Variants in APC2 observed in about 807,000 individuals in gnomAD.
The protein encoded by APC2 is adenomatous polyposis coli protein 2.
In APC2, 41 loss-of-function variants were observed where a neutral mutation model predicts 72.5. The observed-to-expected ratio is 0.57, with a 90% CI of 0.44 to 0.73. APC2 has a LOEUF of 0.73. Among genes scored for constraint, APC2 ranks in the 30% least tolerant of loss-of-function variants. The probability of loss-of-function intolerance (pLI) is 0.00; values close to 1 mark genes in which losing one functional copy is unlikely to be tolerated. For synonymous variants in APC2, 1,898 were observed against 1,612.0 expected, an observed-to-expected ratio of 1.18 and a Z score of -4.25; for missense variants, 3,729 against 3,403.4, an observed-to-expected ratio of 1.10 and a Z score of -2.38.
Position 1,468,976 on chromosome 19 carries a change from CG to C in APC2, c.5677del (p.Val1893SerfsTer103). 1 of 1,560,688 alleles carries C rather than the reference CG, an allele frequency of 6.4e-7. No individual in the cohort carries two copies. The highest frequency in any genetic ancestry group is 2.4e-5 in the East Asian group (1 of 41,464). ...CAGCCCCTGCCCAGAAAGCGCCCCC[CG>C]GTCACCCAGGCTGCTGGGGCCCTGC... ...ASQPLPRKRP[P>X]VTQAAGALPG... is the part of the protein sequence containing the mutation. On this transcript the variant is annotated frameshift_variant, in exon 15 of 15. Transcript: ENST00000590469. LOFTEE classifies it low-confidence loss of function (END_TRUNC).
In APC2 at chr19:1,465,726, C is replaced by T; in HGVS notation, c.2425C>T (p.Pro809Ser). Residue 809 changes from proline (P) to serine (S), a missense_variant, in exon 15 of 15, where the codon CCC (proline) becomes TCC (serine). By Grantham distance (74) the Pro-to-Ser change is moderately conservative. Transcript: ENST00000590469. ...CGCGCTGTCCCTCTTCCTGGGCAGC[C>T]CCTTCCTGCAGGGGCAGGCGCTGGC... Reference protein sequence around the residue: ...PAALSLFLGSPFLQGQALART... With the variant: ...PAALSLFLGSSFLQGQALART... 1 of 1,556,960 alleles carries T rather than the reference C, an allele frequency of 6.4e-7. No homozygotes were observed. The highest frequency in any genetic ancestry group is 1.4e-5 in the African/African-American group (1 of 73,372).
rs2084074091 is a variant in APC2, at chr19:1,468,744, C to G, written c.5443C>G (p.Pro1815Ala). 2 of 1,500,986 alleles carry G rather than the reference C, an allele frequency of 1.3e-6. No homozygotes were observed. Among genetic ancestry groups the G allele is most frequent in the East Asian group, 2.5e-5 (1 of 40,270 alleles). 93.0% of individuals were successfully genotyped at this position (1,500,986 alleles called of 1,614,324 possible). A position where few individuals can be genotyped will look rare whatever the true frequency, so the allele number is the denominator to read the frequency against. Residue 1815 changes from proline to alanine, a missense_variant, in exon 15 of 15, where the codon CCG (proline) becomes GCG (alanine). Pro to Ala is a conservative substitution (Grantham distance 27). Transcript: ENST00000590469. Reference sequence around the variant, plus strand: ...AGGGACCCCCGGCCCCCGCGCCACACCGCGGAAGGTGGCGCCCCCTTGCCT... The same window carrying G: ...AGGGACCCCCGGCCCCCGCGCCACAGCGCGGAAGGTGGCGCCCCCTTGCCT... ...PKGTPGPRAT[P>A]RKVAPPCLAQ...
chr19:1,470,142 G>A lies in APC2; in HGVS notation c.6841G>A (p.Val2281Met). Residue 2281 changes from valine (V) to methionine (M), a missense_variant, in exon 15 of 15, where the codon GTG (valine) becomes ATG (methionine). Transcript: ENST00000590469. ...PPFNYVPSPM[V>M]VAATTDSAAE... is the part of the protein sequence containing the mutation. ...CTTCAACTATGTGCCCAGCCCCATG[G>A]TGGTCGCAGCCACCACCGACTCGGC... The A allele has an allele frequency of 2.5e-6, 4 of 1,606,236 alleles. No homozygotes were observed. Among genetic ancestry groups the A allele is most frequent in the Non-Finnish European group, 3.4e-6 (4 of 1,177,966 alleles).
At chr19:1,447,442 T>G (rs1308090914), upstream of APC2, among the ~76,000 whole-genome samples, 1 of 152,046 alleles carries the variant, frequency 6.6e-6, no homozygotes, top group Non-Finnish European at 1.5e-5. Context: ...GAACTTCCCC[T>G]TTAGCCCAGC....
At chr19:1,455,107 G>A (rs1368037629) in intron 4 of APC2, 42 bp from the exon 5 acceptor site, 6 of 1,320,424 alleles carry the variant, frequency 4.5e-6, no homozygotes, top group South Asian at 2.7e-5. Flanking sequence ...AAACACACAC[G>A]GCGCCGCCCT....
rs1245526503 is a variant in APC2, at chr19:1,467,298, C to T, written c.3997C>T (p.Arg1333Cys). ...EGPAPTGSRP[R>C]GAADQELELL... ...GCCGGCGCCCACGGGTTCTCGCCCTCGCGGCGCCGCGGACCAGGAGCTGGA... is the reference window on the plus strand; with the variant it reads ...GCCGGCGCCCACGGGTTCTCGCCCTTGCGGCGCCGCGGACCAGGAGCTGGA... The change falls in exon 15 of 15, where the codon CGC becomes TGC. Residue 1333 changes from arginine to cysteine, a missense_variant. By Grantham distance (180) the Arg-to-Cys change is radical (BLOSUM62 -3). Transcript: ENST00000590469. 2 of 1,324,916 alleles carry T rather than the reference C, an allele frequency of 1.5e-6. No homozygotes were observed. Among genetic ancestry groups the T allele is most frequent in the Admixed American group, 4.0e-5 (1 of 24,938 alleles). 82.1% of individuals were successfully genotyped at this position (1,324,916 alleles called of 1,614,324 possible).
chr19:1,460,993 G>T lies in APC2; in HGVS notation c.1522-44G>T, dbSNP rs527367921. On this transcript the variant is annotated intron_variant, in intron 12 of 14. Transcript: ENST00000590469. ...TCACATTTGCTGGGGGGTTTGGGGG[G>T]CCTGGACCCTAGTCCCACCACACTT... 7.5e-6 allele frequency: 12 copies of T among 1,607,754 alleles called. No individual in the cohort carries two copies. The African/African-American group carries it at 1.5e-4, about 20-fold the overall frequency.
rs781316433 is a variant in APC2, at chr19:1,466,966, G to A, written c.3665G>A (p.Gly1222Asp). The A allele has an allele frequency of 1.9e-6, 3 of 1,605,796 alleles. No homozygotes were observed. Among genetic ancestry groups the A allele is most frequent in the African/African-American group, 1.3e-5 (1 of 74,826 alleles). The change falls in exon 15 of 15, where the codon GGT becomes GAT. Residue 1222 changes from glycine (G) to aspartate (D), a missense_variant. Transcript: ENST00000590469. ...CCACCGCTGGCGCCCGCGCCACAGGGTCCCCCCGAGGCCACCCAGTTCAGC... is the reference window on the plus strand; with the variant it reads ...CCACCGCTGGCGCCCGCGCCACAGGATCCCCCCGAGGCCACCCAGTTCAGC... ...KTPPLAPAPQ[G>D]PPEATQFSLQ...
intron 4 of APC2, among the ~76,000 whole-genome samples, chr19:1,454,125 T>A (rs904520909): frequency 1.3e-5 from 2 of 152,170 alleles, no homozygotes; most frequent in African/African-American, 4.8e-5. Context: ...TGTGCTCTGC[T>A]GTGGGACCTC....
At chr19:1,460,913 C>A in intron 12 of APC2, 56 bp downstream of exon 12, 1 of 1,603,066 alleles carries the variant, frequency 6.2e-7, no homozygotes, top group Non-Finnish European at 8.5e-7. Context: ...GGCAGAGGCC[C>A]CTCCCCAGCG....
Position 1,453,225 on chromosome 19 carries a change from G to A in APC2, c.142-22G>A, listed in dbSNP as rs374526792. 4.0e-4 allele frequency: 619 copies of A among 1,558,206 alleles called. 5 individuals carry two copies. The highest frequency in any genetic ancestry group is 1.1e-3 in the East Asian group (47 of 41,458). ...CCAGTGCAGTGGCTGATGGCTTCCC[G>A]CCCTCTTTCCCGCCCCTGCAGGAGG... On this transcript the variant is annotated intron_variant, in intron 2 of 14. Coordinates refer to ENST00000590469, the MANE Select transcript of APC2 (RefSeq NM_005883.3).
chr19:1,466,112 C>A lies in APC2; in HGVS notation c.2811C>A (p.Cys937Ter). The A allele has an allele frequency of 6.4e-7, 1 of 1,562,920 alleles. No homozygotes were observed. ...GCGGCAGTGCCAGCGACGGGTACTG[C>A]CCACGCGAACATATGCTGCCCTGCC... ...LNSGSASDGYCPREHMLPCPL... is the reference protein window; with the variant it reads ...LNSGSASDGY Residue 937 changes from cysteine to a stop codon, truncating the protein, a stop_gained, in exon 15 of 15, where the codon TGC (cysteine) becomes TGA (stop). Transcript: ENST00000590469. LOFTEE classifies it low-confidence loss of function (END_TRUNC).
Position 1,452,838 on chromosome 19 carries a change from T to A in APC2, c.-18-146T>A. On this transcript the variant is annotated intron_variant, in intron 1 of 14. Transcript: ENST00000590469. This position sits in a 1 kb window ranked among gnomAD's most constrained non-coding sequence, Gnocchi z 5.1. ...CCACCACCACGTGGGCCTGTACTTGTCCACACCAGTGACTCCTGCCTGAGA... is the reference window on the plus strand; with the variant it reads ...CCACCACCACGTGGGCCTGTACTTGACCACACCAGTGACTCCTGCCTGAGA... 2 of 1,018,260 alleles carry A rather than the reference T, an allele frequency of 2.0e-6. No individual in the cohort carries two copies. The highest frequency in any genetic ancestry group is 2.8e-6 in the Non-Finnish European group (2 of 715,786). The allele number at this position is 1,018,260 out of a possible 1,614,324, so 63.1% of individuals were successfully genotyped here.
At chr19:1,448,998 A>G (rs2083713451), upstream of APC2, among the ~76,000 whole-genome samples, 1 of 152,248 alleles carries the variant, frequency 6.6e-6, no homozygotes, top group African/African-American at 2.4e-5. Flanking sequence ...AGCCCCTGGC[A>G]GTGCTGGCCC....
chr19:1,467,111 G>C lies in APC2; in HGVS notation c.3810G>C (p.Glu1270Asp). The C allele has an allele frequency of 1.2e-6, 2 of 1,600,540 alleles. No homozygotes were observed. The highest frequency in any genetic ancestry group is 1.7e-6 in the Non-Finnish European group (2 of 1,173,052). Residue 1270 changes from glutamate to aspartate, a missense_variant, in exon 15 of 15, where the codon GAG becomes GAC. By Grantham distance (45) the Glu-to-Asp change is conservative. Transcript: ENST00000590469. ...SVRFTVEKPD[E>D]NFSCASSLSA... The stretch of plus-strand genomic sequence containing the variant: ...GCTTTACCGTGGAGAAGCCAGACGA[G>C]AACTTCTCGTGCGCCTCCAGCCTCA...
intron 4 of APC2, among the ~76,000 whole-genome samples, 156 bp from the exon 5 acceptor site, chr19:1,454,993 C>A (rs867193944): frequency 1.4e-5 from 2 of 144,200 alleles, no homozygotes; most frequent in African/African-American, 2.5e-5. Context: ...CCCACCCCCC[C>A]CCCCTTACCC....
chr19:1,469,649 C>A lies in APC2; in HGVS notation c.6348C>A (p.Pro2116=). ...SVARRPDGAV[P]AAPASADAAR... ...CCCGCAGGCCCGACGGCGCCGTCCC[C>A]GCGGCCCCTGCCTCAGCCGACGCCG... Residue 2116 remains proline (P), a synonymous_variant, in exon 15 of 15, where the codon CCC becomes CCA. Coordinates refer to ENST00000590469, the MANE Select transcript of APC2 (RefSeq NM_005883.3). 1 of 1,238,818 alleles carries A rather than the reference C, an allele frequency of 8.1e-7. No individual in the cohort carries two copies. The highest frequency in any genetic ancestry group is 3.2e-4 in the Middle Eastern group (1 of 3,124). 76.7% of individuals were successfully genotyped at this position (1,238,818 alleles called of 1,614,324 possible).
In APC2 at chr19:1,467,909, T is replaced by C; in HGVS notation, c.4608T>C (p.Ala1536=). 1.3e-6 allele frequency: 2 copies of C among 1,583,460 alleles called. No homozygotes were observed. The highest frequency in any genetic ancestry group is 1.7e-6 in the Non-Finnish European group (2 of 1,173,310). Residue 1536 remains alanine (A), a synonymous_variant, in exon 15 of 15, where the codon GCT becomes GCC. Transcript: ENST00000590469. ...GGCGCACATCGGCCATCCCTCGCGCTTTTACGCGGGAGCGTCCGCAGGGCC... is the reference window on the plus strand; with the variant it reads ...GGCGCACATCGGCCATCCCTCGCGCCTTTACGCGGGAGCGTCCGCAGGGCC... ...THRRTSAIPR[A]FTRERPQGRK... is the part of the protein sequence containing the mutation.
At chr19:1,454,563 CTTTTT>C (rs71174371) in intron 4 of APC2, among the ~76,000 whole-genome samples, 1 of 116,172 alleles carries the variant, frequency 8.6e-6, no homozygotes, top group African/African-American at 3.6e-5. Context: ...ATCTTTTGTA[CTTTTT>C]TTTTTTTTTT....
Sources: gnomAD v4.1 joint callset for allele counts (sites outside exome capture counted in the v4.1 genomes callset) on GRCh38, gnomAD v4.1.1 for gene constraint, Gnocchi (gnomAD v3.1) non-coding constraint, MANE v1.5 for transcripts, NCBI Gene and HGNC (gene_info 2026-07-23, HGNC 2026-07-21) for gene names.